ERICH6: variants seen among roughly 807,000 people sequenced by gnomAD.
ERICH6 encodes the protein glutamate-rich protein 6.
ERICH6 carries 71 observed loss-of-function variants against 71.0 expected under a neutral mutation model. The ratio of observed to expected loss-of-function variants is 1.00; its 90% CI spans 0.83 to 1.22. The LOEUF is 1.22. Among genes scored for constraint, ERICH6 ranks in the 50% most tolerant of loss-of-function variants. The pLI is 0.00. For missense variants in ERICH6, 808 were observed against 797.2 expected, an observed-to-expected ratio of 1.01 and a Z score of -0.16; for synonymous variants, 262 against 278.4, an observed-to-expected ratio of 0.94 and a Z score of 0.59.
At chr3:150,680,015 T>C (rs1319244785) in intron 9 of ERICH6, among the ~76,000 whole-genome samples, 1 of 152,134 alleles carries the variant, frequency 6.6e-6, no homozygotes, top group African/African-American at 2.4e-5. Flanking sequence ...AAATGGAAAG[T>C]ATGCTTAATA....
intron 6 of ERICH6, among the ~76,000 whole-genome samples, chr3:150,683,171 T>C (rs1712038962): frequency 6.6e-6 from 1 of 152,224 alleles, no homozygotes; most frequent in Non-Finnish European, 1.5e-5. Context: ...AGGTGGCCAG[T>C]GCAGCCAGGG....
intron 10 of ERICH6, among the ~76,000 whole-genome samples, chr3:150,677,744 G>A (rs1005254688): frequency 1.3e-5 from 2 of 152,080 alleles, no homozygotes; most frequent in African/African-American, 4.8e-5. Context: ...CAATCCGCCT[G>A]CTTTGGCTTC....
rs1711496950 is a variant in ERICH6 at position 150,669,394 on chromosome 3, A to G, written c.1401T>C (p.Thr467=). ...IRVPNKVNGF[T]CIVQEDMPTN... ...TGGGCATATCTTCTTGGACTATACA[A>G]GTAAAACCATTTACCTTGTTGGGCA... The change falls in exon 12 of 14, where the codon ACT becomes ACC. Residue 467 remains threonine (T), a synonymous_variant. Coordinates refer to ENST00000295910, the MANE Select transcript of ERICH6 (RefSeq NM_152394.5). 6.2e-7 allele frequency: 1 copy of G among 1,613,722 alleles called. No homozygotes were observed. The highest frequency in any genetic ancestry group is 8.5e-7 in the Non-Finnish European group (1 of 1,179,896).
chr3:150,661,790 A>C (rs1015159562), intron 13 of ERICH6, among the ~76,000 whole-genome samples: 1 of 152,124 alleles, frequency 6.6e-6, no homozygotes, highest in Non-Finnish European at 1.5e-5. Context: ...CTGAGGCAGG[A>C]TGATGGCTTG....
At position 150,680,833 on chromosome 3, in the gene ERICH6, G is replaced by C; in HGVS notation, c.980C>G (p.Pro327Arg). ...GACCTCACTACCATGGGCTGCATGA[G>C]GGTCAATAGCAATTAATTCAGCTTT... ...PPKAELIAID[P>R]HAAHGSEVDR... The change falls in exon 8 of 14, where the codon CCT (proline) becomes CGT (arginine). Residue 327 changes from proline to arginine, a missense_variant. Pro to Arg is a moderately radical substitution (Grantham distance 103). Coordinates refer to ENST00000295910, the MANE Select transcript of ERICH6 (RefSeq NM_152394.5). 6.2e-7 allele frequency: 1 copy of C among 1,614,044 alleles called. No homozygotes were observed. Among genetic ancestry groups the C allele is most frequent in the East Asian group, 2.2e-5 (1 of 44,872 alleles).
intron 6 of ERICH6, among the ~76,000 whole-genome samples, chr3:150,684,450 G>A (rs924968158): frequency 6.6e-6 from 1 of 152,052 alleles, no homozygotes; most frequent in African/African-American, 2.4e-5. Context: ...CTCTACATGT[G>A]CATCCATGAC....
In ERICH6 at chr3:150,699,723, CAA is replaced by C. The variant is rs146953448; in HGVS notation, c.462-843_462-842del. 1.7e-3 allele frequency among the ~76,000 whole-genome samples: 235 copies of C among 136,752 alleles called. 1 individual carries two copies. The highest frequency in any genetic ancestry group is 6.4e-3 in the South Asian group (28 of 4,354). The allele number at this position is 136,752 out of a possible 152,430, so 89.7% of individuals were successfully genotyped here. ...AACAAAGCCCTCAAAGAGATAAAAA[CAA>C]AAAAAAAAAACACAAAAAACAAACC... On this transcript the variant is annotated intron_variant, in intron 2 of 13. Transcript: ENST00000295910.
At chr3:150,682,091 A>T (rs959995279) in intron 7 of ERICH6, 127 bp downstream of exon 7, 94 of 772,600 alleles carry the variant, frequency 1.2e-4, no homozygotes, top group Middle Eastern at 9.8e-4. Flanking sequence ...CTAGGATTAC[A>T]GGTGTGAGCC....
intron 1 of ERICH6, 145 bp downstream of exon 1, chr3:150,703,351 G>A: frequency 1.4e-6 from 2 of 1,410,300 alleles, no homozygotes; most frequent in Non-Finnish European, 1.8e-6. Flanking sequence ...AAGGGCGTGA[G>A]AGAGATTAGG....
intron 3 of ERICH6, among the ~76,000 whole-genome samples, chr3:150,697,841 A>G (rs1032744227): frequency 3.3e-5 from 5 of 152,184 alleles, no homozygotes; most frequent in African/African-American, 9.7e-5. Flanking sequence ...ACTCCCAGTG[A>G]GAAAGATCTG....
intron 9 of ERICH6, among the ~76,000 whole-genome samples, chr3:150,678,833 G>C (rs1711769280): frequency 6.6e-6 from 1 of 152,036 alleles, no homozygotes; most frequent in Non-Finnish European, 1.5e-5. Flanking sequence ...TTGAGGTCAG[G>C]AGTTTGAGAC....
At position 150,680,809 on chromosome 3, in the gene ERICH6, A is replaced by G. The variant is rs1161732331; in HGVS notation, c.1004T>C (p.Val335Ala). ...IDPHAAHGSE[V>A]DRLKAKEKAL... is the part of the protein sequence containing the mutation. ...TTTTTCTTTTGCCTTGAGTCTGTCG[A>G]CCTCACTACCATGGGCTGCATGAGG... Residue 335 changes from valine to alanine, a missense_variant, in exon 8 of 14, where the codon GTC becomes GCC. This residue lies in a region of ERICH6 where 736 missense variants were observed against 712.2 expected (regional missense o/e 1.03). Transcript: ENST00000295910. The G allele has an allele frequency of 1.2e-6, 2 of 1,611,692 alleles. No individual in the cohort carries two copies. Among genetic ancestry groups the G allele is most frequent in the African/African-American group, 2.7e-5 (2 of 74,612 alleles).
chr3:150,691,600 A>G (rs1712432656), intron 3 of ERICH6, among the ~76,000 whole-genome samples: 1 of 152,202 alleles, frequency 6.6e-6, no homozygotes, highest in African/African-American at 2.4e-5. Flanking sequence ...AGAAAGTCCA[A>G]TCATGTCATG....
chr3:150,703,283 C>T (rs1713008370), intron 1 of ERICH6, among the ~76,000 whole-genome samples: 1 of 151,984 alleles, frequency 6.6e-6, no homozygotes, highest in East Asian at 1.9e-4. Flanking sequence ...GGTGTTTCGC[C>T]TATATCCTAA....
chr3:150,681,011 T>G (rs1362681422), intron 7 of ERICH6, 81 bp from the exon 8 acceptor site: 1 of 1,413,058 alleles, frequency 7.1e-7, no homozygotes, highest in East Asian at 2.3e-5. Flanking sequence ...TAACAAGGTT[T>G]GGATAACAAT....
intron 4 of ERICH6, 117 bp from the exon 5 acceptor site, chr3:150,686,138 T>C: frequency 8.4e-7 from 1 of 1,185,858 alleles, no homozygotes; most frequent in Non-Finnish European, 1.2e-6. Context: ...ACGCACACAC[T>C]GTTCAGATGC....
intron 11 of ERICH6, among the ~76,000 whole-genome samples, chr3:150,672,632 CTTTTT>C (rs1206367605): frequency 6.7e-6 from 1 of 148,886 alleles, no homozygotes; most frequent in African/African-American, 2.5e-5. Context: ...TTTTCTTTTT[CTTTTT>C]TTATTTTTCT....
intron 2 of ERICH6, among the ~76,000 whole-genome samples, chr3:150,700,241 A>ATTTTTT (rs34624356): frequency 3.9e-4 from 43 of 110,914 alleles, no homozygotes; most frequent in Admixed American, 7.1e-4. Flanking sequence ...TGCCCGGCTA[A>ATTTTTT]TTTTTTTTTT....
chr3:150,679,895 C>T (rs1354808417), intron 9 of ERICH6, among the ~76,000 whole-genome samples: 10 of 152,014 alleles, frequency 6.6e-5, no homozygotes, highest in South Asian at 2.1e-4. Context: ...TGACCTCAGG[C>T]GATCCACCCG....
Sources: gnomAD v4.1 joint callset for allele counts (sites outside exome capture counted in the v4.1 genomes callset) on GRCh38, gnomAD v4.1.1 for gene constraint, gnomAD v4.1.1 regional missense constraint, MANE v1.5 for transcripts, NCBI Gene and HGNC (gene_info 2026-07-23, HGNC 2026-07-21) for gene names.